The following ZNFX1 variants were observed in gnomAD, a reference collection of about 807,000 sequenced individuals.
ZNFX1 encodes NFX1-type zinc finger-containing protein 1.
A neutral mutation model predicts 179.8 loss-of-function variants in ZNFX1; 78 were observed. The ratio of observed to expected loss-of-function variants is 0.43; its 90% CI spans 0.36 to 0.52. The LOEUF is 0.52. Ranked by LOEUF, ZNFX1 falls within the 20% of genes least tolerant of loss-of-function variation. ZNFX1 has a pLI of 0.00. For synonymous variants in ZNFX1, 848 were observed against 868.5 expected, an observed-to-expected ratio of 0.98 and a Z score of 0.42; for missense variants, 1,927 against 2,386.6, an observed-to-expected ratio of 0.81 and a Z score of 4.01.
chr20:49,263,561 A>T (rs904029601), intron 5 of ZNFX1, 78 bp from the exon 6 acceptor site: 4 of 1,507,190 alleles, frequency 2.7e-6, no homozygotes, highest in Non-Finnish European at 3.6e-6. Flanking sequence ...GAGGGAAAGC[A>T]AAGCTAAGAC....
At chr20:49,252,676 C>G (rs985299448) in intron 12 of ZNFX1, 44 bp downstream of exon 12, 2 of 1,484,920 alleles carry the variant, frequency 1.3e-6, no homozygotes, top group Non-Finnish European at 1.9e-6. Flanking sequence ...TTCCCAGGAG[C>G]TTTCTCCTGG....
At chr20:49,269,161 G>GAATA (rs1263162068) in intron 3 of ZNFX1, among the ~76,000 whole-genome samples, 1 of 152,188 alleles carries the variant, frequency 6.6e-6, no homozygotes, top group East Asian at 1.9e-4. Flanking sequence ...ATACACCACG[G>GAATA]AATACTATGC....
chr20:49,257,707 T>A (rs887522133), intron 7 of ZNFX1, 43 bp from the exon 8 acceptor site: 1 of 1,467,706 alleles, frequency 6.8e-7, no homozygotes, highest in Non-Finnish European at 9.2e-7. Flanking sequence ...AAACTCTTTT[T>A]TTTTTTTTTT....
intron 6 of ZNFX1, among the ~76,000 whole-genome samples, chr20:49,262,758 G>C (rs968188654): frequency 1.3e-5 from 2 of 152,158 alleles, no homozygotes; most frequent in East Asian, 3.8e-4. Context: ...TCTTTTGAAG[G>C]TAGGCATTAT....
chr20:49,255,827 A>G lies in ZNFX1; in HGVS notation c.2785T>C (p.Ser929Pro). The change falls in exon 9 of 14, where the codon TCT becomes CCT. Residue 929 changes from serine (S) to proline (P), a missense_variant. Transcript: ENST00000396105. Reference protein sequence around the residue: ...IEDVWQLDLSSRWQLYRLWLQ... With the variant: ...IEDVWQLDLSPRWQLYRLWLQ... The stretch of plus-strand genomic sequence containing the variant: ...CAGTACCTATAAAGCTGCCAGCGAG[A>G]ACTGAGGTCCAGCTGCCAAACATCC... 3 of 1,613,834 alleles carry G rather than the reference A, an allele frequency of 1.9e-6. No homozygotes were observed. Among genetic ancestry groups the G allele is most frequent in the Non-Finnish European group, 2.5e-6 (3 of 1,179,848 alleles).
rs1204015429 is a variant in ZNFX1 at position 49,275,793 on chromosome 20, T to C, written c.47A>G (p.His16Arg). The part of the protein sequence containing the change: ...PHLDARPRNS[H>R]TNHRGPVDGE... Reference sequence around the variant, plus strand: ...ACCTTGCTTACCTCTGTGGTTGGTATGGGAATTCCTGGGCCTGGCATCCAG... The same window carrying C: ...ACCTTGCTTACCTCTGTGGTTGGTACGGGAATTCCTGGGCCTGGCATCCAG... The change falls in exon 2 of 14, where the codon CAT becomes CGT. Residue 16 changes from histidine to arginine, a missense_variant. By Grantham distance (29) the His-to-Arg change is conservative. Transcript: ENST00000396105. 6.2e-7 allele frequency: 1 copy of C among 1,614,224 alleles called. No individual in the cohort carries two copies. Among genetic ancestry groups the C allele is most frequent in the Non-Finnish European group, 8.5e-7 (1 of 1,180,026 alleles).
Position 49,249,708 on chromosome 20 carries a change from C to A in ZNFX1, c.3316G>T (p.Val1106Leu), listed in dbSNP as rs763383024. The part of the protein sequence containing the change: ...SVLKYEKIKG[V>L]SSNLFFVEHN... Reference sequence around the variant, plus strand: ...TCTACAAAGAAAAGGTTGGAAGACACCCCCTGACAGGGAAAAGAAGTGACA... The same window carrying A: ...TCTACAAAGAAAAGGTTGGAAGACAACCCCTGACAGGGAAAAGAAGTGACA... Residue 1106 changes from valine (V) to leucine (L), a missense_variant, in exon 14 of 14, where the codon GTG becomes TTG. Physicochemically the swap from Val to Leu is conservative, Grantham distance 32 (BLOSUM62 1). Transcript: ENST00000396105. 4.4e-6 allele frequency: 7 copies of A among 1,606,588 alleles called. No individual in the cohort carries two copies. The highest frequency in any genetic ancestry group is 1.1e-5 in the South Asian group (1 of 90,452).
At chr20:49,272,772 C>G (rs185954227) in intron 2 of ZNFX1, among the ~76,000 whole-genome samples, 1 of 152,174 alleles carries the variant, frequency 6.6e-6, no homozygotes, top group Non-Finnish European at 1.5e-5. Context: ...TTTGAGCTAA[C>G]AGACTATGAA....
Position 49,247,492 on chromosome 20 carries a change from A to G in ZNFX1, c.5532T>C (p.Gly1844=). 6.2e-7 allele frequency: 1 copy of G among 1,614,186 alleles called. No homozygotes were observed. The change falls in exon 14 of 14, where the codon GGT becomes GGC. Residue 1844 remains glycine (G), a synonymous_variant. Transcript: ENST00000396105. ...GGCCATTGCGGCACTTGAACCAGTGACCACGAGGATAACCTATGGCACTGA... is the reference window on the plus strand; with the variant it reads ...GGCCATTGCGGCACTTGAACCAGTGGCCACGAGGATAACCTATGGCACTGA... ...QIVSAIGYPR[G]HWFKCRNGHI... is the part of the protein sequence containing the mutation.
At chr20:49,259,580 C>A (rs1430255836) in intron 7 of ZNFX1, among the ~76,000 whole-genome samples, 1 of 152,094 alleles carries the variant, frequency 6.6e-6, no homozygotes, top group Non-Finnish European at 1.5e-5. Flanking sequence ...CACCACCACA[C>A]CCAGCTAAAC....
intron 1 of ZNFX1, among the ~76,000 whole-genome samples, chr20:49,277,003 A>G (rs1168568212): frequency 2.0e-5 from 3 of 152,156 alleles, no homozygotes; most frequent in Non-Finnish European, 4.4e-5. Flanking sequence ...GAAACGGAAG[A>G]AAAGAAAAAA....
At chr20:49,257,087 AAT>A (rs1980987595) in intron 8 of ZNFX1, among the ~76,000 whole-genome samples, 1 of 152,312 alleles carries the variant, frequency 6.6e-6, no homozygotes, top group East Asian at 1.9e-4. Context: ...ACTCATTTGA[AAT>A]AGAGAAAACA....
At chr20:49,277,349 T>C (rs1218943986) in intron 1 of ZNFX1, among the ~76,000 whole-genome samples, 1 of 57,226 alleles carries the variant, frequency 1.7e-5, no homozygotes, top group Admixed American at 2.3e-4. Context: ...GGCGGGGTTA[T>C]GGGGGCCTTG....
rs543576380 is a variant in ZNFX1 at position 49,256,019 on chromosome 20, T to G, written c.2665-72A>C. 50 of 1,555,678 alleles carry G rather than the reference T, an allele frequency of 3.2e-5. No homozygotes were observed. In the East Asian group the frequency reaches 1.0e-3, roughly 32 times the overall value. On this transcript the variant is annotated intron_variant, in intron 8 of 13. Transcript: ENST00000396105. ...CTTGGTTTTAAGCCCAAGGCAGGGG[T>G]CACAGCACGTAAGAAAAAGGGCTGG... is the stretch of plus-strand genomic sequence containing the variant.
Position 49,270,379 on chromosome 20 carries a change from C to T in ZNFX1, c.1433G>A (p.Cys478Tyr). Residue 478 changes from cysteine to tyrosine, a missense_variant, in exon 3 of 14, where the codon TGC (cysteine) becomes TAC (tyrosine). By Grantham distance (194) the Cys-to-Tyr change is radical. Transcript: ENST00000396105. This position sits in a 1 kb window ranked among gnomAD's most constrained non-coding sequence, Gnocchi z 4.6. ...TVSNREQEDLCRGIVQLCFNE... is the reference protein window; with the variant it reads ...TVSNREQEDLYRGIVQLCFNE... ...GAAGCAGAGCTGGACAATTCCTCGG[C>T]AGAGATCTTCCTGCTCCCTGTTAGA... 1 of 1,614,228 alleles carries T rather than the reference C, an allele frequency of 6.2e-7. No homozygotes were observed. The highest frequency in any genetic ancestry group is 8.5e-7 in the Non-Finnish European group (1 of 1,180,044).
rs773966930 is a variant in ZNFX1 at position 49,248,317 on chromosome 20, C to G, written c.4707G>C (p.Glu1569Asp). Residue 1569 changes from glutamate (E) to aspartate (D), a missense_variant, in exon 14 of 14, where the codon GAG becomes GAC. Coordinates refer to ENST00000396105, the MANE Select transcript of ZNFX1 (RefSeq NM_021035.3). This position sits in a 1 kb window ranked among gnomAD's most constrained non-coding sequence, Gnocchi z 4.6. ...PKKCRICHMD[E>D]VTQIFFGFED... ...CAAAGCCAAAGAATATTTGGGTGAC[C>G]TCATCCATGTGGCAGATCCGGCATT... 16 of 1,614,142 alleles carry G rather than the reference C, an allele frequency of 9.9e-6. 1 individual carries two copies. In the Middle Eastern group the frequency reaches 4.9e-4, roughly 50 times the overall value.
At chr20:49,276,712 G>A (rs555328974) in intron 1 of ZNFX1, among the ~76,000 whole-genome samples, 1 of 152,302 alleles carries the variant, frequency 6.6e-6, no homozygotes, top group South Asian at 2.1e-4. Flanking sequence ...AGGGATTTTT[G>A]AGACTGTCTT....
chr20:49,247,728 G>A lies in ZNFX1; in HGVS notation c.5296C>T (p.Leu1766=). The A allele has an allele frequency of 1.2e-6, 2 of 1,614,200 alleles. No individual in the cohort carries two copies. The highest frequency in any genetic ancestry group is 1.7e-6 in the Non-Finnish European group (2 of 1,180,028). ...LRSEIQRLTY[L]VNLLTRYKIA... ...TTGTAGCGGGTCAGAAGGTTCACCA[G>A]GTATGTGAGCCTCTGGATTTCACTT... Residue 1766 remains leucine, a synonymous_variant, in exon 14 of 14, where the codon CTG becomes TTG. Transcript: ENST00000396105.
Position 49,246,711 on chromosome 20 carries a change from G to A in ZNFX1, c.*556C>T. ...GGAAGCCCCAAACATGTTCCAGGGA[G>A]TCTGTCCACTAATTTGCAGGAGAGA... On this transcript the variant is annotated 3_prime_UTR_variant, in exon 14 of 14. Transcript: ENST00000396105. The A allele has an allele frequency of 2.6e-6, 1 of 385,796 alleles. No individual in the cohort carries two copies. Among genetic ancestry groups the A allele is most frequent in the Non-Finnish European group, 5.1e-6 (1 of 195,960 alleles). 23.9% of individuals were successfully genotyped at this position (385,796 alleles called of 1,614,324 possible). A position where few individuals can be genotyped will look rare whatever the true frequency, so the allele number is the denominator to read the frequency against.
Sources: gnomAD v4.1 joint callset for allele counts (sites outside exome capture counted in the v4.1 genomes callset) on GRCh38, gnomAD v4.1.1 for gene constraint, Gnocchi (gnomAD v3.1) non-coding constraint, MANE v1.5 for transcripts, NCBI Gene and HGNC (gene_info 2026-07-23, HGNC 2026-07-21) for gene names.